Variants in BSND observed in about 807,000 individuals in gnomAD.
The protein encoded by BSND is barttin CLCNK type accessory subunit beta.
In BSND, 13 loss-of-function variants were observed where a neutral mutation model predicts 18.8. That is an observed-to-expected ratio of 0.69 (90% confidence interval 0.45 to 1.10). BSND has a LOEUF of 1.10. BSND is among the 50% of genes least tolerant of loss of function. BSND has a pLI of 0.00. For synonymous variants in BSND, 170 were observed against 161.8 expected (o/e 1.05, Z -0.39); for missense variants, 379 against 416.7 (o/e 0.91, Z 0.79).
intron 1 of BSND, among the ~76,000 whole-genome samples, chr1:55,003,220 T>C (rs959551994): frequency 2.0e-5 from 3 of 151,646 alleles, no homozygotes; most frequent in Non-Finnish European, 2.9e-5. Context: ...ATTTCTTTCC[T>C]TTTCTTTTTT....
intron 1 of BSND, among the ~76,000 whole-genome samples, chr1:55,004,413 C>T (rs1277004016): frequency 1.3e-5 from 2 of 152,178 alleles, no homozygotes; most frequent in Non-Finnish European, 2.9e-5. Context: ...GGATCCTCAC[C>T]CCATCTCCCA....
chr1:55,008,991 T>G lies in BSND; in HGVS notation c.*363T>G. On this transcript the variant is annotated 3_prime_UTR_variant, in exon 4 of 4. Transcript: ENST00000651561. The stretch of plus-strand genomic sequence containing the variant: ...TTGTGAAGGCCAGTCAGGTTTCCCA[T>G]TCCTATTGTGTCTTATAGTCCACTT... 2 of 377,004 alleles carry G rather than the reference T, an allele frequency of 5.3e-6. No individual in the cohort carries two copies. The highest frequency in any genetic ancestry group is 2.1e-5 in the African/African-American group (1 of 47,902). The allele number at this position is 377,004 out of a possible 1,614,324, so 23.4% of individuals were successfully genotyped here.
At chr1:55,007,371 G>T in intron 3 of BSND, 99 bp downstream of exon 3, 1 of 1,385,720 alleles carries the variant, frequency 7.2e-7, no homozygotes, top group East Asian at 2.5e-5. Context: ...GACACTGGGG[G>T]TAAGGAGAGG....
chr1:55,014,418 T>C lies in BSND; in HGVS notation c.*5790T>C, dbSNP rs918891357. Among the ~76,000 whole-genome samples the C allele has an allele frequency of 6.6e-6, 1 of 152,204 alleles. No homozygotes were observed. Among genetic ancestry groups the C allele is most frequent in the Non-Finnish European group, 1.5e-5 (1 of 68,026 alleles). ...GTTAGTGATATCGACCCAATAGGCA[T>C]GTTGTGAAGATTGGATGAGATCATG... is the stretch of plus-strand genomic sequence containing the variant. On this transcript the variant is annotated 3_prime_UTR_variant, in exon 4 of 4. Transcript: ENST00000651561.
intron 1 of BSND, among the ~76,000 whole-genome samples, chr1:55,003,582 T>G (rs549790971): frequency 2.0e-5 from 3 of 152,294 alleles, no homozygotes; most frequent in East Asian, 3.9e-4. Flanking sequence ...CTACTCACTT[T>G]GCTCTATGGG....
Position 55,014,814 on chromosome 1 carries a change from A to G in BSND, c.*6186A>G, listed in dbSNP as rs1274812065. 1.3e-5 allele frequency among the ~76,000 whole-genome samples: 2 copies of G among 152,204 alleles called. No individual in the cohort carries two copies. The highest frequency in any genetic ancestry group is 2.4e-5 in the African/African-American group (1 of 41,456). Reference sequence around the variant, plus strand: ...CTTAGTTGTTTGTTTTTCTTAAATGAGTTATCAAACATTGGATAGCTGGTA... The same window carrying G: ...CTTAGTTGTTTGTTTTTCTTAAATGGGTTATCAAACATTGGATAGCTGGTA... On this transcript the variant is annotated 3_prime_UTR_variant, in exon 4 of 4. Transcript: ENST00000651561.
rs897566847 is a variant in BSND at position 55,008,275 on chromosome 1, G to A, written c.610G>A (p.Asp204Asn). 6.2e-7 allele frequency: 1 copy of A among 1,614,192 alleles called. No individual in the cohort carries two copies. The highest frequency in any genetic ancestry group is 1.1e-5 in the South Asian group (1 of 91,080). ...LASFQDDLDM[D>N]SSEGSSPNAS... ...TTCCTTCCAAGATGACCTGGACATG[G>A]ACTCCAGTGAAGGCAGCAGCCCCAA... Residue 204 changes from aspartate (D) to asparagine (N), a missense_variant, in exon 4 of 4, where the codon GAC becomes AAC. Transcript: ENST00000651561.
At position 55,014,327 on chromosome 1, in the gene BSND, A is replaced by G. The variant is rs1438475030; in HGVS notation, c.*5699A>G. ...TTGAGACTAGGCTTCCCTACTGGCC[A>G]GCTCTGTGACTTTGGCCAGGAGACT... On this transcript the variant is annotated 3_prime_UTR_variant, in exon 4 of 4. Transcript: ENST00000651561. 1.3e-5 allele frequency among the ~76,000 whole-genome samples: 2 copies of G among 152,230 alleles called. No individual in the cohort carries two copies. Among genetic ancestry groups the G allele is most frequent in the Non-Finnish European group, 2.9e-5 (2 of 68,044 alleles).
rs1360263020 is a variant in BSND at position 55,013,240 on chromosome 1, T to A, written c.*4612T>A. Among the ~76,000 whole-genome samples the A allele has an allele frequency of 1.3e-5, 2 of 152,198 alleles. No individual in the cohort carries two copies. The highest frequency in any genetic ancestry group is 2.4e-5 in the African/African-American group (1 of 41,440). On this transcript the variant is annotated 3_prime_UTR_variant, in exon 4 of 4. Transcript: ENST00000651561. ...GTGCAATGGCGCAATCTCAGCTTGC[T>A]GCAACCTCCACCTCCCGGGTTCAAG...
At position 55,008,119 on chromosome 1, in the gene BSND, T is replaced by C. The variant is rs568944655; in HGVS notation, c.549-95T>C. The C allele has an allele frequency of 2.9e-6, 3 of 1,050,662 alleles. No individual in the cohort carries two copies. The African/African-American group carries it at 4.7e-5, about 17-fold the overall frequency. 65.1% of individuals were successfully genotyped at this position (1,050,662 alleles called of 1,614,324 possible). A position where few individuals can be genotyped will look rare whatever the true frequency, so the allele number is the denominator to read the frequency against. On this transcript the variant is annotated intron_variant, in intron 3 of 3. Transcript: ENST00000651561. ...GAAACTGAGGCCCGGGAAGGTGGATTATCCTACCCTAGGTCTTGCAGCTAG... is the reference window on the plus strand; with the variant it reads ...GAAACTGAGGCCCGGGAAGGTGGATCATCCTACCCTAGGTCTTGCAGCTAG...
At chr1:55,001,464 G>A (rs771250990) in intron 1 of BSND, among the ~76,000 whole-genome samples, 51 of 152,058 alleles carry the variant, frequency 3.4e-4, no homozygotes, top group Non-Finnish European at 6.8e-4. Context: ...CTCTAGAGGC[G>A]AAGCTCCCTG....
At chr1:54,999,621 T>G (rs1644351508) in intron 1 of BSND, among the ~76,000 whole-genome samples, 1 of 152,114 alleles carries the variant, frequency 6.6e-6, no homozygotes, top group South Asian at 2.1e-4. Flanking sequence ...GAAGCTATGG[T>G]ATAGACACAG....
At chr1:55,003,041 A>G (rs111099663) in intron 1 of BSND, among the ~76,000 whole-genome samples, 1 of 126 alleles carries the variant, frequency 7.9e-3, no homozygotes, top group Non-Finnish European at 0.017. Context: ...TGATGATGAT[A>G]GTGATGATGA....
rs74804885 is a variant in BSND at position 55,013,458 on chromosome 1, C to T, written c.*4830C>T. 4.8e-3 allele frequency among the ~76,000 whole-genome samples: 727 copies of T among 152,250 alleles called. 58 individuals carry two copies. The East Asian group carries it at 0.13, about 27-fold the overall frequency. On this transcript the variant is annotated 3_prime_UTR_variant, in exon 4 of 4. Coordinates refer to ENST00000651561, the MANE Select transcript of BSND (RefSeq NM_057176.3). ...CATTACAGGTGTGAGTCACTGCACC[C>T]AGCTGTCCCCATTTTATAGATGAGG...
rs1360201911 is a variant in BSND, at chr1:55,015,720, T to C, written c.*7092T>C. On this transcript the variant is annotated 3_prime_UTR_variant, in exon 4 of 4. Transcript: ENST00000651561. ...GTGCTAGGTACTGGGGGAAGAGACA[T>C]GCATCTGACCCATGCTTGTCTTGGG... Among the ~76,000 whole-genome samples, 2 of 152,194 alleles carry C rather than the reference T, an allele frequency of 1.3e-5. No individual in the cohort carries two copies. The highest frequency in any genetic ancestry group is 2.4e-5 in the African/African-American group (1 of 41,448).
Position 55,007,200 on chromosome 1 carries a change from A to T in BSND, c.476A>T (p.Glu159Val). Residue 159 changes from glutamate (E) to valine (V), a missense_variant, in exon 3 of 4, where the codon GAG becomes GTG. Transcript: ENST00000651561. ...CCTGGCGACGTTCAGGCCTGGATGG[A>T]GGCTGCCGTGGTCATCCACAAGGGC... ...GGPGDVQAWM[E>V]AAVVIHKGSD... is the part of the protein sequence containing the mutation. 18 of 1,614,130 alleles carry T rather than the reference A, an allele frequency of 1.1e-5. No individual in the cohort carries two copies. The highest frequency in any genetic ancestry group is 1.5e-5 in the Non-Finnish European group (18 of 1,179,982).
chr1:55,009,042 A>G lies in BSND; in HGVS notation c.*414A>G. On this transcript the variant is annotated 3_prime_UTR_variant, in exon 4 of 4. Coordinates refer to ENST00000651561, the MANE Select transcript of BSND (RefSeq NM_057176.3). ...GGTAGATGGCGTGATCCGTCTTTAC[A>G]CAGAGGGAGCCTCATCTCCTCCTGG... 1 of 291,284 alleles carries G rather than the reference A, an allele frequency of 3.4e-6. No individual in the cohort carries two copies. The highest frequency in any genetic ancestry group is 3.4e-5 in the South Asian group (1 of 29,116). 18.0% of individuals were successfully genotyped at this position (291,284 alleles called of 1,614,324 possible). A position where few individuals can be genotyped will look rare whatever the true frequency, so the allele number is the denominator to read the frequency against.
At position 55,008,979 on chromosome 1, in the gene BSND, T is replaced by A; in HGVS notation, c.*351T>A. The A allele has an allele frequency of 2.6e-6, 1 of 388,366 alleles. No homozygotes were observed. The highest frequency in any genetic ancestry group is 2.2e-5 in the South Asian group (1 of 44,920). 24.1% of individuals were successfully genotyped at this position (388,366 alleles called of 1,614,324 possible). A position where few individuals can be genotyped will look rare whatever the true frequency, so the allele number is the denominator to read the frequency against. On this transcript the variant is annotated 3_prime_UTR_variant, in exon 4 of 4. Coordinates refer to ENST00000651561, the MANE Select transcript of BSND (RefSeq NM_057176.3). ...GCCCCTGATCCTTTGTGAAGGCCAG[T>A]CAGGTTTCCCATTCCTATTGTGTCT...
rs775841233 is a variant in BSND at position 55,013,120 on chromosome 1, G to A, written c.*4492G>A. ...GCACACTTTTCTTCATTTCATCCTC[G>A]CAGCTTGCAAGGTTGGTGTATTGTC... On this transcript the variant is annotated 3_prime_UTR_variant, in exon 4 of 4. Transcript: ENST00000651561. 2.6e-5 allele frequency among the ~76,000 whole-genome samples: 4 copies of A among 152,024 alleles called. No individual in the cohort carries two copies. The highest frequency in any genetic ancestry group is 7.3e-5 in the African/African-American group (3 of 41,356).
Sources: gnomAD v4.1 joint callset for allele counts (sites outside exome capture counted in the v4.1 genomes callset) on GRCh38, gnomAD v4.1.1 for gene constraint, MANE v1.5 for transcripts, NCBI Gene and HGNC (gene_info 2026-07-23, HGNC 2026-07-21) for gene names.